The following BTRC variants were observed in gnomAD, a reference collection of about 807,000 sequenced individuals.
BTRC encodes the protein beta-transducin repeat containing E3 ubiquitin protein ligase.
BTRC carries 42 observed loss-of-function variants against 85.5 expected under a neutral mutation model. The ratio of observed to expected loss-of-function variants is 0.49; its 90% CI spans 0.38 to 0.64. The LOEUF (loss-of-function observed/expected upper bound fraction) is 0.64, where lower values mean the gene tolerates loss of function less well. BTRC is among the 30% of genes least tolerant of loss of function. The probability of loss-of-function intolerance (pLI) is 0.00; values close to 1 mark genes in which losing one functional copy is unlikely to be tolerated. For missense variants in BTRC, 594 were observed against 743.5 expected, an observed-to-expected ratio of 0.80 and a Z score of 2.34; for synonymous variants, 255 against 263.3, an observed-to-expected ratio of 0.97 and a Z score of 0.30.
intron 2 of BTRC, among the ~76,000 whole-genome samples, chr10:101,447,836 G>A (rs1007691072): frequency 6.6e-6 from 1 of 152,026 alleles, no homozygotes; most frequent in Non-Finnish European, 1.5e-5. Context: ...TTAAAATTAG[G>A]TTCTGGTCAA....
chr10:101,373,964 G>A (rs1942715038), intron 1 of BTRC, among the ~76,000 whole-genome samples: 2 of 151,226 alleles, frequency 1.3e-5, no homozygotes, highest in South Asian at 4.2e-4. Context: ...GATGGTCAAA[G>A]TGATAGAATA....
chr10:101,548,859 C>T (rs935064861), intron 13 of BTRC, among the ~76,000 whole-genome samples: 1 of 151,964 alleles, frequency 6.6e-6, no homozygotes, highest in African/African-American at 2.4e-5. Context: ...TCGAGACCAT[C>T]CTGGCCAACA....
At chr10:101,377,656 G>A (rs935993648) in intron 1 of BTRC, among the ~76,000 whole-genome samples, 3 of 152,124 alleles carry the variant, frequency 2.0e-5, no homozygotes, top group Non-Finnish European at 4.4e-5. Context: ...TTTATTGATG[G>A]AGGATCCAAC....
chr10:101,435,710 CT>C (rs1944510725), intron 2 of BTRC, among the ~76,000 whole-genome samples: 2 of 151,948 alleles, frequency 1.3e-5, no homozygotes, highest in Non-Finnish European at 2.9e-5. Flanking sequence ...AGGTACATGT[CT>C]AAGAATGGAA....
chr10:101,407,732 T>TTC (rs1290498076), intron 1 of BTRC, among the ~76,000 whole-genome samples: 4 of 150,982 alleles, frequency 2.6e-5, no homozygotes, highest in Non-Finnish European at 5.9e-5. Context: ...CTTTTTCTTT[T>TTC]TTTTTTTTTG....
intron 4 of BTRC, among the ~76,000 whole-genome samples, chr10:101,511,008 A>G (rs1260425911): frequency 6.6e-6 from 1 of 152,120 alleles, no homozygotes; most frequent in African/African-American, 2.4e-5. Context: ...CCCCTGCTCC[A>G]TTCTCTGTGT....
intron 1 of BTRC, among the ~76,000 whole-genome samples, chr10:101,367,364 G>A (rs867303826): frequency 6.6e-6 from 1 of 151,730 alleles, no homozygotes; most frequent in African/African-American, 2.4e-5. Flanking sequence ...CACTCACTGC[G>A]CCTGGCCTAG....
At chr10:101,402,347 A>C (rs1310249477) in intron 1 of BTRC, among the ~76,000 whole-genome samples, 1 of 152,198 alleles carries the variant, frequency 6.6e-6, no homozygotes, top group Admixed American at 6.5e-5. Context: ...CTGCTTATGC[A>C]TAGTTATTAG....
At chr10:101,515,974 C>T (rs1354673812) in intron 4 of BTRC, among the ~76,000 whole-genome samples, 1 of 152,072 alleles carries the variant, frequency 6.6e-6, no homozygotes, top group Non-Finnish European at 1.5e-5. Flanking sequence ...TAGTGAGTCT[C>T]GTGATGATCT....
intron 1 of BTRC, among the ~76,000 whole-genome samples, chr10:101,385,179 C>CA (rs1943033181): frequency 6.6e-6 from 1 of 150,460 alleles, no homozygotes; most frequent in South Asian, 2.1e-4. Flanking sequence ...GCCTGGGACA[C>CA]AGAGTGAGAT....
chr10:101,546,510 A>G (rs2062561076), intron 13 of BTRC, among the ~76,000 whole-genome samples: 1 of 152,170 alleles, frequency 6.6e-6, no homozygotes, highest in Admixed American at 6.5e-5. Context: ...ATAAAAATGA[A>G]AACACAGCTA....
intron 3 of BTRC, among the ~76,000 whole-genome samples, chr10:101,473,233 TC>T (rs1945584267): frequency 1.3e-5 from 2 of 151,252 alleles, no homozygotes; most frequent in South Asian, 4.2e-4. Flanking sequence ...TTATCTGTCT[TC>T]ATTGACCTTT....
intron 2 of BTRC, among the ~76,000 whole-genome samples, chr10:101,447,291 C>T (rs1944852286): frequency 6.6e-6 from 1 of 152,154 alleles, no homozygotes; most frequent in African/African-American, 2.4e-5. Context: ...TGATTCCACT[C>T]AGAAAGAAAG....
At chr10:101,466,691 T>G (rs1945381429) in intron 3 of BTRC, among the ~76,000 whole-genome samples, 1 of 152,212 alleles carries the variant, frequency 6.6e-6, no homozygotes, top group African/African-American at 2.4e-5. Flanking sequence ...CTGCCAGGTT[T>G]TCAACACCTT....
chr10:101,493,725 C>T (rs1011905720), intron 4 of BTRC, among the ~76,000 whole-genome samples: 2 of 152,174 alleles, frequency 1.3e-5, no homozygotes, highest in Non-Finnish European at 2.9e-5. Flanking sequence ...TCCTTTCTAG[C>T]ATTCCATATG....
chr10:101,489,116 A>T (rs1288004113), intron 4 of BTRC, among the ~76,000 whole-genome samples: 1 of 152,172 alleles, frequency 6.6e-6, no homozygotes, highest in Non-Finnish European at 1.5e-5. Context: ...TAGAACAGAA[A>T]TCTGATTTTT....
At chr10:101,372,444 G>A (rs1323593043) in intron 1 of BTRC, among the ~76,000 whole-genome samples, 3 of 149,368 alleles carry the variant, frequency 2.0e-5, no homozygotes, top group Admixed American at 6.6e-5. Context: ...TAGTAGAGAC[G>A]GGGTTTCACC....
intron 1 of BTRC, among the ~76,000 whole-genome samples, chr10:101,361,143 A>T (rs1378930026): frequency 6.6e-6 from 1 of 150,444 alleles, no homozygotes; most frequent in East Asian, 2.0e-4. Context: ...GTCTCGCTCT[A>T]TTGCCCAAGC....
chr10:101,456,582 ACTTT>A (rs1269726152), intron 2 of BTRC, among the ~76,000 whole-genome samples: 1 of 152,200 alleles, frequency 6.6e-6, no homozygotes, highest in African/African-American at 2.4e-5. Context: ...TAATATAATT[ACTTT>A]CTTTTTTATT....
Sources: allele counts gnomAD v4.1 joint callset (sites outside exome capture counted in the v4.1 genomes callset), GRCh38; gene constraint gnomAD v4.1.1; transcripts MANE v1.5; gene names NCBI Gene and HGNC (gene_info 2026-07-23, HGNC 2026-07-21).